The following TRIM40 variants were observed in gnomAD, a reference collection of about 807,000 sequenced individuals.
TRIM40 encodes E3 ubiquitin ligase TRIM40.
TRIM40 carries 27 observed loss-of-function variants against 26.1 expected under a neutral mutation model. The observed-to-expected ratio is 1.04, with a 90% confidence interval of 0.76 to 1.43. The LOEUF (loss-of-function observed/expected upper bound fraction) is 1.43, where lower values mean the gene tolerates loss of function less well. Ranked by LOEUF, TRIM40 falls within the 40% of genes most tolerant of loss-of-function variation. The pLI is 0.00. For missense variants in TRIM40, 289 were observed against 307.9 expected (o/e 0.94, Z 0.46); for synonymous variants, 114 against 120.0 (o/e 0.95, Z 0.33).
At chr6:30,142,678 T>C (rs1190908126) in intron 2 of TRIM40, among the ~76,000 whole-genome samples, 2 of 152,164 alleles carry the variant, frequency 1.3e-5, no homozygotes, top group African/African-American at 4.8e-5. Flanking sequence ...TTTTAAAGGT[T>C]TATTAATTCC....
At chr6:30,140,271 G>T (rs150205165) in intron 2 of TRIM40, among the ~76,000 whole-genome samples, 1,683 of 152,172 alleles carry the variant, frequency 0.011, 23 homozygotes, top group African/African-American at 0.034. Flanking sequence ...ACATGCACAC[G>T]TATGTTTATT....
At chr6:30,140,155 A>T (rs1362598676) in intron 2 of TRIM40, among the ~76,000 whole-genome samples, 1 of 152,250 alleles carries the variant, frequency 6.6e-6, no homozygotes, top group Non-Finnish European at 1.5e-5. Flanking sequence ...TGTGGAAGAC[A>T]GTGTGGTGAT....
chr6:30,137,799 AT>A (rs1771106258), intron 2 of TRIM40, among the ~76,000 whole-genome samples: 1 of 151,974 alleles, frequency 6.6e-6, no homozygotes, highest in African/African-American at 2.4e-5. Context: ...TTACTACATA[AT>A]TTTTTCTCTC....
chr6:30,143,431 CT>C (rs9278593), intron 2 of TRIM40, among the ~76,000 whole-genome samples: 32,032 of 116,288 alleles, frequency 0.28, 3,383 homozygotes, highest in Non-Finnish European at 0.31. Flanking sequence ...GTTAATTTTT[CT>C]TTTTTTTTTT....
chr6:30,147,796 C>T lies in TRIM40; in HGVS notation c.761C>T (p.Pro254Leu). ...GGAGTCAGTGAATTGCTTCTTCAGC[C>T]CCCTCAGAAGCTCTGACCTGTTCAT... ...EKGVSELLLQ[P>L]PQKL Residue 254 changes from proline to leucine, a missense_variant, in exon 6 of 6, where the codon CCC becomes CTC. Pro to Leu is a moderately conservative substitution (Grantham distance 98). Coordinates refer to ENST00000396581, the MANE Select transcript of TRIM40 (RefSeq NM_001286633.2). The T allele has an allele frequency of 6.2e-7, 1 of 1,614,070 alleles. No individual in the cohort carries two copies. The highest frequency in any genetic ancestry group is 8.5e-7 in the Non-Finnish European group (1 of 1,179,934).
chr6:30,142,209 G>A (rs1049529862), intron 2 of TRIM40, among the ~76,000 whole-genome samples: 3 of 152,002 alleles, frequency 2.0e-5, no homozygotes, highest in Non-Finnish European at 4.4e-5. Context: ...ATCCCTGACT[G>A]TACTCTAAAA....
Position 30,147,025 on chromosome 6 carries a change from C to T in TRIM40, c.482C>T (p.Pro161Leu), listed in dbSNP as rs1406873075. 25 of 1,610,458 alleles carry T rather than the reference C, an allele frequency of 1.6e-5. No homozygotes were observed. The highest frequency in any genetic ancestry group is 2.2e-5 in the South Asian group (2 of 90,808). Residue 161 changes from proline to leucine, a missense_variant, in exon 4 of 6, where the codon CCG (proline) becomes CTG (leucine). By Grantham distance (98) the Pro-to-Leu change is moderately conservative. Transcript: ENST00000396581. The part of the protein sequence containing the change: ...DHGNHRLEAG[P>L]ESQHQTREQL... Reference sequence around the variant, plus strand: ...GGGAACCACAGGCTGGAGGCTGGGCCGGAGAGCCAGCACCAAACCAGGGAA... The same window carrying T: ...GGGAACCACAGGCTGGAGGCTGGGCTGGAGAGCCAGCACCAAACCAGGGAA...
At chr6:30,136,602 A>C in intron 1 of TRIM40, 131 bp from the exon 2 acceptor site, 1 of 175,826 alleles carries the variant, frequency 5.7e-6, no homozygotes, top group Non-Finnish European at 1.2e-5. Flanking sequence ...TCAAATTGTA[A>C]GTTTATAGTG....
At chr6:30,143,195 C>A (rs1323438843) in intron 2 of TRIM40, among the ~76,000 whole-genome samples, 1 of 152,080 alleles carries the variant, frequency 6.6e-6, no homozygotes, top group East Asian at 1.9e-4. Flanking sequence ...TTTACTTAAA[C>A]CTCATGTGCC....
chr6:30,139,737 G>A (rs990296139), intron 2 of TRIM40, among the ~76,000 whole-genome samples: 13 of 152,206 alleles, frequency 8.5e-5, no homozygotes, highest in Admixed American at 5.9e-4. Context: ...GCTGGCAGAA[G>A]AGAAATCAAC....
rs1190416616 is a variant in TRIM40, at chr6:30,147,825, T to C, written c.*13T>C. The C allele has an allele frequency of 1.2e-6, 2 of 1,612,350 alleles. No individual in the cohort carries two copies. Among genetic ancestry groups the C allele is most frequent in the Admixed American group, 3.3e-5 (2 of 60,024 alleles). On this transcript the variant is annotated 3_prime_UTR_variant, in exon 6 of 6. Transcript: ENST00000396581. ...TCAGAAGCTCTGACCTGTTCATCCC[T>C]GGGACACCTCACTTCAGGCTCACCT...
At chr6:30,146,324 G>T (rs3815080) in intron 3 of TRIM40, among the ~76,000 whole-genome samples, 1 of 151,996 alleles carries the variant, frequency 6.6e-6, no homozygotes, top group East Asian at 1.9e-4. Context: ...GTCCTGCTCT[G>T]CCTGGATCAC....
Position 30,137,232 on chromosome 6 carries a change from G to A in TRIM40, c.196G>A (p.Gly66Arg). The A allele has an allele frequency of 6.2e-7, 1 of 1,613,080 alleles. No homozygotes were observed. The highest frequency in any genetic ancestry group is 8.5e-7 in the Non-Finnish European group (1 of 1,180,026). ...CRKPCSEEVL[G>R]TGYICPNHQK... ...GAAGCCCTGTTCTGAGGAGGTGCTAGGGACAGGCTATATCTGCCCCAACCA... is the reference window on the plus strand; with the variant it reads ...GAAGCCCTGTTCTGAGGAGGTGCTAAGGACAGGCTATATCTGCCCCAACCA... Residue 66 changes from glycine to arginine, a missense_variant, in exon 2 of 6, where the codon GGG becomes AGG. Physicochemically the swap from Gly to Arg is moderately radical, Grantham distance 125 (BLOSUM62 -2). Transcript: ENST00000396581.
chr6:30,137,437 C>T, intron 2 of TRIM40, 56 bp downstream of exon 2: 1 of 1,468,124 alleles, frequency 6.8e-7, no homozygotes. Flanking sequence ...GGTGCTGCAT[C>T]CTACATGTTC....
At chr6:30,142,791 G>A (rs896772145) in intron 2 of TRIM40, among the ~76,000 whole-genome samples, 1 of 151,678 alleles carries the variant, frequency 6.6e-6, no homozygotes, top group Non-Finnish European at 1.5e-5. Flanking sequence ...TTATATAACA[G>A]TGAGTCCTTT....
In TRIM40 at chr6:30,145,997, C is replaced by T. The variant is rs774283475; in HGVS notation, c.349C>T (p.Arg117Ter). The T allele has an allele frequency of 4.0e-5, 64 of 1,612,880 alleles. No individual in the cohort carries two copies. Among genetic ancestry groups the T allele is most frequent in the African/African-American group, 3.2e-4 (24 of 75,042 alleles). Reference sequence around the variant, plus strand: ...GCAGGTGTGTCTGTCTCTTTAGGAACGACTCAATCGCCGGAGCAGGAAGCT... The same window carrying T: ...GCAGGTGTGTCTGTCTCTTTAGGAATGACTCAATCGCCGGAGCAGGAAGCT... ...IENALSHYKE[R>*]LNRRSRKLRK... is the part of the protein sequence containing the mutation. Residue 117 changes from arginine to a stop codon, truncating the protein, a stop_gained, in exon 3 of 6, where the codon CGA becomes TGA. Transcript: ENST00000396581. LOFTEE classifies it high-confidence loss of function.
chr6:30,145,775 T>G (rs537182551), intron 2 of TRIM40, among the ~76,000 whole-genome samples: 12 of 152,330 alleles, frequency 7.9e-5, no homozygotes, highest in African/African-American at 2.4e-4. Flanking sequence ...TCTAAGACTG[T>G]AAAAAAATTA....
At chr6:30,144,467 A>T (rs1284963286) in intron 2 of TRIM40, among the ~76,000 whole-genome samples, 1 of 152,188 alleles carries the variant, frequency 6.6e-6, no homozygotes, top group Admixed American at 6.5e-5. Flanking sequence ...TGGTTTTGGA[A>T]TTCTAAGATC....
At chr6:30,140,907 G>A (rs1771307358) in intron 2 of TRIM40, among the ~76,000 whole-genome samples, 1 of 152,124 alleles carries the variant, frequency 6.6e-6, no homozygotes, top group African/African-American at 2.4e-5. Context: ...TCTTACATAC[G>A]CAGCTGGATC....
Sources: gnomAD v4.1 joint callset for allele counts (sites outside exome capture counted in the v4.1 genomes callset) on GRCh38, gnomAD v4.1.1 for gene constraint, MANE v1.5 for transcripts, NCBI Gene and HGNC (gene_info 2026-07-23, HGNC 2026-07-21) for gene names.